The following C5 variants were observed in gnomAD, a reference collection of about 807,000 sequenced individuals.
The protein encoded by C5 is complement C5.
C5 carries 140 observed loss-of-function variants against 218.8 expected under a neutral mutation model. The observed-to-expected ratio is 0.64, with a 90% confidence interval of 0.56 to 0.74. The LOEUF (loss-of-function observed/expected upper bound fraction) is 0.74. Ranked by LOEUF, C5 falls within the 30% of genes least tolerant of loss-of-function variation. The pLI is 0.00. For missense variants in C5, 1,700 were observed against 1,969.6 expected (o/e 0.86, Z 2.59); for synonymous variants, 614 against 682.3 (o/e 0.90, Z 1.56).
chr9:121,073,798 G>C, the C5 span, among the ~76,000 whole-genome samples: 2 of 152,122 alleles, frequency 1.3e-5, no homozygotes, highest in African/African-American at 2.4e-5. Context: ...ACAGGCATGA[G>C]CCACAGCGCC....
chr9:121,022,956 C>A (rs1394653180), intron 10 of C5, among the ~76,000 whole-genome samples: 8 of 151,898 alleles, frequency 5.3e-5, no homozygotes, highest in Admixed American at 4.6e-4. Flanking sequence ...AAAGACAACA[C>A]AGAGACAGAG....
intron 6 of C5, among the ~76,000 whole-genome samples, chr9:121,030,887 G>A (rs1388900053): frequency 6.6e-6 from 1 of 152,170 alleles, no homozygotes; most frequent in Non-Finnish European, 1.5e-5. Context: ...CAGTTAGGAG[G>A]CTTTTGCTGT....
intron 39 of C5, 153 bp downstream of exon 39, chr9:120,957,132 A>G (rs1409397542): frequency 4.9e-6 from 3 of 615,534 alleles, no homozygotes; most frequent in Non-Finnish European, 5.9e-6. Flanking sequence ...ACATCTTTAA[A>G]AAATGTTTCT....
intron 39 of C5, 190 bp downstream of exon 39, chr9:120,957,095 T>G (rs1001450474): frequency 1.0e-5 from 5 of 502,214 alleles, no homozygotes; most frequent in Non-Finnish European, 1.8e-5. Flanking sequence ...TTTAGAAAAA[T>G]GAATTCAATG....
rs749524890 is a variant in C5, at chr9:120,963,757, T to G, written c.4221-19A>C. ...CTTGTAGCTAAAATAAAAAAGAGGT[T>G]AGAAAATATAATAAATAAGTGAATA... On this transcript the variant is annotated intron_variant, in intron 33 of 40. Transcript: ENST00000223642. The G allele has an allele frequency of 2.5e-5, 39 of 1,545,740 alleles. No homozygotes were observed. Among genetic ancestry groups the G allele is most frequent in the Non-Finnish European group, 3.4e-5 (38 of 1,119,978 alleles).
At chr9:120,976,159 G>T (rs1462249874) in intron 29 of C5, among the ~76,000 whole-genome samples, 1 of 152,108 alleles carries the variant, frequency 6.6e-6, no homozygotes, top group Non-Finnish European at 1.5e-5. Flanking sequence ...CAACAGGGAA[G>T]ATATTAACAT....
In C5 at chr9:121,030,448, T is replaced by C; in HGVS notation, c.707A>G (p.Asn236Ser). 1.3e-6 allele frequency: 2 copies of C among 1,547,130 alleles called. No homozygotes were observed. The highest frequency in any genetic ancestry group is 8.8e-7 in the Non-Finnish European group (1 of 1,142,288). ...CTTAAAGTTCTTGTAACCAATGAAATTATATTCTGGCTCGATTGAGACAGA... is the reference window on the plus strand; with the variant it reads ...CTTAAAGTTCTTGTAACCAATGAAACTATATTCTGGCTCGATTGAGACAGA... Reference protein sequence around the residue: ...HFSVSIEPEYNFIGYKNFKNF... With the variant: ...HFSVSIEPEYSFIGYKNFKNF... The change falls in exon 7 of 41, where the codon AAT becomes AGT. Residue 236 changes from asparagine (N) to serine (S), a missense_variant. Coordinates refer to ENST00000223642, the MANE Select transcript of C5 (RefSeq NM_001735.3).
At chr9:121,018,729 G>A (rs1241937727) in intron 12 of C5, among the ~76,000 whole-genome samples, 10 of 71,258 alleles carry the variant, frequency 1.4e-4, no homozygotes, top group Non-Finnish European at 1.6e-4. Flanking sequence ...AAGAAAGAAG[G>A]AAGGAAGGAA....
At chr9:120,994,505 A>G (rs890911005) in intron 22 of C5, among the ~76,000 whole-genome samples, 32 of 152,042 alleles carry the variant, frequency 2.1e-4, no homozygotes, top group Admixed American at 3.3e-4. Context: ...ATCGCTTGAA[A>G]TCAGGAGGTG....
chr9:120,986,282 T>C lies in C5; in HGVS notation c.3230+2764A>G, dbSNP rs1169558170. Among the ~76,000 whole-genome samples the C allele has an allele frequency of 2.6e-5, 4 of 151,614 alleles. No homozygotes were observed. The East Asian group carries it at 5.8e-4, about 22-fold the overall frequency. On this transcript the variant is annotated intron_variant, in intron 25 of 40. Transcript: ENST00000223642. ...TCTGGAAAGATGCATAAACTCATGA[T>C]AGTGAATGCCCTTGGGGGAAAGAAA...
At chr9:121,014,638 T>C (rs1240322716) in intron 16 of C5, among the ~76,000 whole-genome samples, 1 of 152,158 alleles carries the variant, frequency 6.6e-6, no homozygotes. Context: ...CATATACAAA[T>C]GGAAGAAACT....
intron 17 of C5, among the ~76,000 whole-genome samples, chr9:121,012,929 C>T (rs944334520): frequency 1.1e-4 from 16 of 152,120 alleles, no homozygotes; most frequent in South Asian, 2.1e-4. Flanking sequence ...ATAGGATCAC[C>T]GTTGCACATG....
rs761753754 is a variant in C5 at position 120,989,780 on chromosome 9, C to A, written c.2942G>T (p.Gly981Val). The A allele has an allele frequency of 1.2e-6, 2 of 1,612,936 alleles. No individual in the cohort carries two copies. Among genetic ancestry groups the A allele is most frequent in the Non-Finnish European group, 8.5e-7 (1 of 1,179,146 alleles). Residue 981 changes from glycine (G) to valine (V), a missense_variant and splice_region_variant, in exon 24 of 41, where the codon GGA becomes GTA. Transcript: ENST00000223642. ...TEIKRILSVK[G>V]LLVGEILSAV... ...AGACAAGATCTCACCTACAAGCAGT[C>A]CTGAAACAAAAAAGATCAAAGTAGA...
In C5 at chr9:120,952,797, T is replaced by C. The variant is rs2046754571; in HGVS notation, c.4973A>G (p.Gln1658Arg). ...WPRDTTCSSC[Q>R]AFLANLDEFA... ...TTCATCTAAATTAGCTAAAAATGCT[T>C]GACACGATGAACATGTTGTGTCTCT... Residue 1658 changes from glutamine (Q) to arginine (R), a missense_variant, in exon 41 of 41, where the codon CAA becomes CGA. Coordinates refer to ENST00000223642, the MANE Select transcript of C5 (RefSeq NM_001735.3). The C allele has an allele frequency of 6.2e-7, 1 of 1,613,842 alleles. No individual in the cohort carries two copies. The highest frequency in any genetic ancestry group is 1.1e-5 in the South Asian group (1 of 91,084).
Position 121,008,427 on chromosome 9 carries a change from C to T in C5, c.2329G>A (p.Val777Ile), listed in dbSNP as rs12375815. Residue 777 changes from valine (V) to isoleucine (I), a missense_variant, in exon 18 of 41, where the codon GTT (valine) becomes ATT (isoleucine). By Grantham distance (29) the Val-to-Ile change is conservative. Transcript: ENST00000223642. ...TAATACCTTCTGGGAACAAGATGAACTTCCCACAACCAGCTTTCTGGAAAA... is the reference window on the plus strand; with the variant it reads ...TAATACCTTCTGGGAACAAGATGAATTTCCCACAACCAGCTTTCTGGAAAA... ...SYFPESWLWE[V>I]HLVPRRKQLQ... is the part of the protein sequence containing the mutation. The T allele has an allele frequency of 9.3e-6, 15 of 1,613,090 alleles. No homozygotes were observed. The highest frequency in any genetic ancestry group is 1.3e-5 in the Non-Finnish European group (15 of 1,179,204).
rs2047350497 is a variant in C5 at position 121,020,080 on chromosome 9, C to G, written c.1402G>C (p.Asp468His). 6 of 1,613,298 alleles carry G rather than the reference C, an allele frequency of 3.7e-6. No homozygotes were observed. Among genetic ancestry groups the G allele is most frequent in the Non-Finnish European group, 4.2e-6 (5 of 1,179,296 alleles). The change falls in exon 12 of 41, where the codon GAT (aspartate) becomes CAT (histidine). Residue 468 changes from aspartate (D) to histidine (H), a missense_variant. Transcript: ENST00000223642. ...SSLSQSYLYI[D>H]WTDNHKALLV... ...AAAGCCTTATGGTTATCAGTCCAAT[C>G]AATATAAAGGTAACTTTGGCTGAGA...
intron 23 of C5, among the ~76,000 whole-genome samples, chr9:120,990,362 T>C (rs1014222352): frequency 7.9e-5 from 12 of 152,238 alleles, no homozygotes; most frequent in Admixed American, 2.6e-4. Flanking sequence ...TAGTCACTTG[T>C]GCAAATATCA....
intron 25 of C5, among the ~76,000 whole-genome samples, 171 bp from the exon 26 acceptor site, chr9:120,982,985 C>T (rs2047006158): frequency 6.6e-6 from 1 of 152,192 alleles, no homozygotes; most frequent in Non-Finnish European, 1.5e-5. Flanking sequence ...ACCTCCAAAA[C>T]ATTCGGTAAA....
At chr9:121,015,383 A>G in intron 15 of C5, 122 bp from the exon 16 acceptor site, 1 of 671,628 alleles carries the variant, frequency 1.5e-6, no homozygotes, top group Non-Finnish European at 2.6e-6. Flanking sequence ...ACAAATATTG[A>G]GGGGCTGCTT....
Sources: gnomAD v4.1 joint callset for allele counts (sites outside exome capture counted in the v4.1 genomes callset) on GRCh38, gnomAD v4.1.1 for gene constraint, MANE v1.5 for transcripts, NCBI Gene and HGNC (gene_info 2026-07-23, HGNC 2026-07-21) for gene names.